AGMO: variants seen among roughly 807,000 people sequenced by gnomAD.
The protein encoded by AGMO is alkylglycerol monooxygenase, also known as glyceryl-ether monooxygenase.
In AGMO, 75 loss-of-function variants were observed where a neutral mutation model predicts 60.2. The ratio of observed to expected loss-of-function variants is 1.25; its 90% CI spans 1.03 to 1.51. The LOEUF is 1.51. Among genes scored for constraint, AGMO ranks in the 40% most tolerant of loss-of-function variants. AGMO has a pLI of 0.00. For synonymous variants in AGMO, 261 were observed against 177.1 expected (o/e 1.47, Z -3.76); for missense variants, 763 against 525.5 (o/e 1.45, Z -4.42).
chr7:15,479,180 G>A (rs1354414607), intron 3 of AGMO, among the ~76,000 whole-genome samples: 6 of 152,118 alleles, frequency 3.9e-5, no homozygotes, highest in Non-Finnish European at 8.8e-5. Flanking sequence ...TATAATTCGT[G>A]TGAAAAAGAG....
At chr7:15,194,177 T>C in the AGMO span, among the ~76,000 whole-genome samples, 3 of 152,264 alleles carry the variant, frequency 2.0e-5, no homozygotes, top group South Asian at 2.1e-4. Flanking sequence ...TTTGATGGGA[T>C]AGGCTGTTAA....
At chr7:15,201,487 A>AGGG in intron 12 of AGMO, 128 bp from the exon 13 acceptor site, 1 of 628,994 alleles carries the variant, frequency 1.6e-6, no homozygotes, top group Non-Finnish European at 2.7e-6. Flanking sequence ...TTATTAAATT[A>AGGG]AATCTAGCAA....
the AGMO span, among the ~76,000 whole-genome samples, chr7:15,151,118 A>G: frequency 1.3e-5 from 2 of 152,126 alleles, no homozygotes; most frequent in Non-Finnish European, 2.9e-5. Context: ...AAGTGTTCAC[A>G]ATAGTCTCTA....
At chr7:15,199,020 G>A (rs1174836101), downstream of AGMO, among the ~76,000 whole-genome samples, 12 of 152,126 alleles carry the variant, frequency 7.9e-5, no homozygotes, top group Non-Finnish European at 1.5e-4. Flanking sequence ...AGAAAGTGCC[G>A]TTATCATTTT....
chr7:15,259,817 A>T (rs1783213293), intron 12 of AGMO, among the ~76,000 whole-genome samples: 1 of 151,002 alleles, frequency 6.6e-6, no homozygotes, highest in African/African-American at 2.4e-5. Flanking sequence ...TAAGCTCCAT[A>T]AATGAAGCAA....
At chr7:15,215,084 A>C (rs73054557) in intron 12 of AGMO, among the ~76,000 whole-genome samples, 4,371 of 152,186 alleles carry the variant, frequency 0.029, 106 homozygotes, top group Non-Finnish European at 0.048. Context: ...TAAGTAGAGT[A>C]AGCTAATTTT....
At chr7:15,538,265 C>T (rs978556817) in intron 3 of AGMO, among the ~76,000 whole-genome samples, 1 of 152,092 alleles carries the variant, frequency 6.6e-6, no homozygotes, top group Non-Finnish European at 1.5e-5. Context: ...CAAGGTCTCA[C>T]TCTGACACTC....
the AGMO span, among the ~76,000 whole-genome samples, chr7:15,152,102 ATCT>A: frequency 6.6e-6 from 1 of 152,156 alleles, no homozygotes; most frequent in African/African-American, 2.4e-5. Flanking sequence ...AGATAGTTAA[ATCT>A]TCTTTTGAAT....
intron 3 of AGMO, among the ~76,000 whole-genome samples, chr7:15,465,037 T>A (rs1782242453): frequency 6.6e-6 from 1 of 152,110 alleles, no homozygotes; most frequent in African/African-American, 2.4e-5. Flanking sequence ...TTAGAGAAAG[T>A]AGCTTAGGAA....
At chr7:15,437,995 A>T (rs1271536769) in intron 3 of AGMO, among the ~76,000 whole-genome samples, 3 of 151,950 alleles carry the variant, frequency 2.0e-5, no homozygotes, top group African/African-American at 7.2e-5. Context: ...TTTCTTTTTT[A>T]TTCGTGTTCA....
chr7:15,442,634 G>A (rs1022700625), intron 3 of AGMO, among the ~76,000 whole-genome samples: 6 of 152,076 alleles, frequency 3.9e-5, no homozygotes, highest in African/African-American at 1.4e-4. Context: ...GAGGAGGGCA[G>A]GGAAGTGCTG....
At chr7:15,427,781 A>C (rs951752978) in intron 4 of AGMO, among the ~76,000 whole-genome samples, 3 of 152,140 alleles carry the variant, frequency 2.0e-5, no homozygotes, top group Non-Finnish European at 4.4e-5. Flanking sequence ...GCAAAACCAT[A>C]TATTGCAGTG....
chr7:15,244,810 C>T (rs1009821550), intron 12 of AGMO, among the ~76,000 whole-genome samples: 1 of 151,958 alleles, frequency 6.6e-6, no homozygotes, highest in Non-Finnish European at 1.5e-5. Flanking sequence ...CGCCACCATG[C>T]GTGGCTAATT....
At chr7:15,530,473 T>A (rs1472648252) in intron 3 of AGMO, among the ~76,000 whole-genome samples, 1 of 110,062 alleles carries the variant, frequency 9.1e-6, no homozygotes, top group Non-Finnish European at 1.8e-5. Context: ...ATATATTCTA[T>A]ATACGTATTT....
chr7:15,491,619 C>G (rs749626832), intron 3 of AGMO, among the ~76,000 whole-genome samples: 3 of 152,106 alleles, frequency 2.0e-5, no homozygotes, highest in Non-Finnish European at 4.4e-5. Flanking sequence ...TAAAATGTAA[C>G]GACACAACCC....
At chr7:15,334,921 G>A (rs570706249) in intron 12 of AGMO, among the ~76,000 whole-genome samples, 120 of 152,232 alleles carry the variant, frequency 7.9e-4, no homozygotes, top group African/African-American at 2.5e-3. Context: ...AGAGCTGTCC[G>A]AGAGCCTTTA....
chr7:15,362,153 AG>A (rs1399078217), intron 12 of AGMO, among the ~76,000 whole-genome samples: 1 of 152,204 alleles, frequency 6.6e-6, no homozygotes, highest in Non-Finnish European at 1.5e-5. Flanking sequence ...ATAAAAGAAC[AG>A]TTTTATTAAA....
chr7:15,394,053 AAAT>A (rs1784263070), intron 6 of AGMO, 57 bp downstream of exon 6: 2 of 1,298,728 alleles, frequency 1.5e-6, no homozygotes, highest in South Asian at 1.2e-5. Context: ...AGATTAAGGA[AAAT>A]AATAATGCAA....
the AGMO span, among the ~76,000 whole-genome samples, chr7:15,181,070 A>G: frequency 1.3e-5 from 2 of 152,310 alleles, no homozygotes; most frequent in African/African-American, 4.8e-5. Flanking sequence ...ATGAGGGCAG[A>G]TCCCTCATGA....
Sources: allele counts gnomAD v4.1 joint callset (sites outside exome capture counted in the v4.1 genomes callset), GRCh38; gene constraint gnomAD v4.1.1; transcripts MANE v1.5; gene names NCBI Gene and HGNC (gene_info 2026-07-23, HGNC 2026-07-21).